Variants in MARK3 observed in about 807,000 individuals in gnomAD.
MARK3 encodes microtubule affinity regulating kinase 3.
A neutral mutation model predicts 90.1 loss-of-function variants in MARK3; 46 were observed. That is an observed-to-expected ratio of 0.51 (90% CI 0.40 to 0.65). The LOEUF (loss-of-function observed/expected upper bound fraction) is 0.65, where lower values mean the gene tolerates loss of function less well. Ranked by LOEUF, MARK3 falls within the 30% of genes least tolerant of loss-of-function variation. The pLI, the probability that MARK3 is intolerant of heterozygous loss-of-function variation, is 0.00. For synonymous variants in MARK3, 321 were observed against 332.6 expected (o/e 0.97, Z 0.38); for missense variants, 818 against 947.2 (o/e 0.86, Z 1.79).
intron 3 of MARK3, among the ~76,000 whole-genome samples, chr14:103,444,549 C>A (rs549893049): frequency 6.6e-6 from 1 of 152,096 alleles, no homozygotes; most frequent in Non-Finnish European, 1.5e-5. Flanking sequence ...GAGGCCGAGG[C>A]GGGCGGATCA....
intron 14 of MARK3, chr14:103,490,163 A>T (rs1460495766): frequency 1.3e-5 from 2 of 151,878 alleles, no homozygotes; most frequent in Non-Finnish European, 2.9e-5. Context: ...TAAAAATACA[A>T]AATTAGCCAG....
chr14:103,465,979 G>A lies in MARK3; in HGVS notation c.785G>A (p.Arg262Lys). ...PFDGQNLKEL[R>K]ERVLRGKYRI... Reference sequence around the variant, plus strand: ...CTCTGTACCTCTCCAAAGGAACTGAGAGAGAGAGTATTAAGAGGGAAATAC... The same window carrying A: ...CTCTGTACCTCTCCAAAGGAACTGAAAGAGAGAGTATTAAGAGGGAAATAC... The change falls in exon 9 of 18, where the codon AGA becomes AAA. Residue 262 changes from arginine to lysine, a missense_variant. By Grantham distance (26) the Arg-to-Lys change is conservative. Coordinates refer to ENST00000429436, the MANE Select transcript of MARK3 (RefSeq NM_001128918.3). 6.2e-7 allele frequency: 1 copy of A among 1,613,176 alleles called. No individual in the cohort carries two copies.
In MARK3 at chr14:103,469,698, C is replaced by T. The variant is rs1015722538; in HGVS notation, c.1264+1512C>T. ...GAACTCCTGACCTCAGGTGATCCACCCACCTTGGCCTCCCAAAGTGCTGGA... is the reference window on the plus strand; with the variant it reads ...GAACTCCTGACCTCAGGTGATCCACTCACCTTGGCCTCCCAAAGTGCTGGA... On this transcript the variant is annotated intron_variant, in intron 12 of 17. Coordinates refer to ENST00000429436, the MANE Select transcript of MARK3 (RefSeq NM_001128918.3). Among the ~76,000 whole-genome samples, 20 of 151,672 alleles carry T rather than the reference C, an allele frequency of 1.3e-4. No homozygotes were observed. The East Asian group carries it at 3.9e-3, about 30-fold the overall frequency.
intron 6 of MARK3, among the ~76,000 whole-genome samples, chr14:103,461,421 T>C (rs547666204): frequency 2.1e-4 from 32 of 152,344 alleles, no homozygotes; most frequent in African/African-American, 6.5e-4. Context: ...TGTTTAATCA[T>C]AGGCATGACT....
Position 103,491,949 on chromosome 14 carries a change from T to G in MARK3, c.1759T>G (p.Ser587Ala). The change falls in exon 15 of 18, where the codon TCC (serine) becomes GCC (alanine). Residue 587 changes from serine (S) to alanine (A), a missense_variant. Physicochemically the swap from Ser to Ala is moderately conservative, Grantham distance 99. Around this residue, in one of 3 missense-constraint regions of MARK3, gnomAD observed 560 missense variants for 613.5 expected, o/e 0.91. Transcript: ENST00000429436. Reference sequence around the variant, plus strand: ...TGGCCCTCCTGCCTCTCCCAGCCTGTCCCATGAAGCCACACCATTGTCCCA... The same window carrying G: ...TGGCCCTCCTGCCTCTCCCAGCCTGGCCCATGAAGCCACACCATTGTCCCA... ...YNGPPASPSLSHEATPLSQTR... is the reference protein window; with the variant it reads ...YNGPPASPSLAHEATPLSQTR... 6.2e-7 allele frequency: 1 copy of G among 1,614,122 alleles called. No homozygotes were observed. Among genetic ancestry groups the G allele is most frequent in the Non-Finnish European group, 8.5e-7 (1 of 1,180,022 alleles).
chr14:103,486,721 G>A (rs1210890752), intron 14 of MARK3, among the ~76,000 whole-genome samples: 6 of 152,032 alleles, frequency 3.9e-5, no homozygotes, highest in Non-Finnish European at 8.8e-5. Flanking sequence ...GAGCTTGATT[G>A]TACAAAATTG....
chr14:103,414,683 A>T lies in MARK3; in HGVS notation c.243+9416A>T, dbSNP rs555688690. The stretch of plus-strand genomic sequence containing the variant: ...AATTTGTTCTGAGTCAGTATAAGTT[A>T]AAGGCTTATTGTGTATTATGTTGAG... On this transcript the variant is annotated intron_variant, in intron 2 of 17. Transcript: ENST00000429436. Among the ~76,000 whole-genome samples the T allele has an allele frequency of 6.6e-5, 10 of 152,360 alleles. No individual in the cohort carries two copies. In the East Asian group the frequency reaches 1.9e-3, roughly 29 times the overall value.
intron 4 of MARK3, among the ~76,000 whole-genome samples, chr14:103,451,623 G>A (rs1331445742): frequency 6.6e-6 from 1 of 152,214 alleles, no homozygotes; most frequent in South Asian, 2.1e-4. Flanking sequence ...ACATGCTGAA[G>A]GACAGTGAGG....
At chr14:103,466,731 G>T (rs185333947) in intron 10 of MARK3, among the ~76,000 whole-genome samples, 65 of 152,226 alleles carry the variant, frequency 4.3e-4, no homozygotes, top group African/African-American at 1.5e-3. Context: ...CTGGCCGGGC[G>T]TGGTGGCTCA....
intron 5 of MARK3, among the ~76,000 whole-genome samples, chr14:103,455,725 C>CA (rs57129835): frequency 0.4 from 33,821 of 83,542 alleles, 5,658 homozygotes; most frequent in Non-Finnish European, 0.47. Context: ...AACTCTGTCT[C>CA]AAAAAAAAAA....
At chr14:103,478,576 C>T (rs1259629715) in intron 13 of MARK3, among the ~76,000 whole-genome samples, 3 of 150,946 alleles carry the variant, frequency 2.0e-5, no homozygotes, top group African/African-American at 7.3e-5. Flanking sequence ...TGGCATTTCG[C>T]TCCTGTTGCC....
chr14:103,478,280 G>A (rs1445444381), intron 13 of MARK3, among the ~76,000 whole-genome samples: 2 of 145,850 alleles, frequency 1.4e-5, no homozygotes, highest in Admixed American at 6.9e-5. Flanking sequence ...GGGCGAAAAA[G>A]CGAGGCTCCA....
chr14:103,444,843 T>A (rs11848774), intron 3 of MARK3, among the ~76,000 whole-genome samples: 7,129 of 152,266 alleles, frequency 0.047, 585 homozygotes, highest in African/African-American at 0.16. Flanking sequence ...TACAAAACTT[T>A]AAAATTTTTC....
In MARK3 at chr14:103,503,003, C is replaced by G. The variant is rs750729322; in HGVS notation, c.2038C>G (p.Arg680Gly). ...MDPGDMMREIRKVLDANNCDY... is the reference protein window; with the variant it reads ...MDPGDMMREIGKVLDANNCDY... ...TCCCGGGGACATGATGCGGGAAATC[C>G]GCAAAGTGTTGGACGCCAATAACTG... Residue 680 changes from arginine (R) to glycine (G), a missense_variant, in exon 18 of 18, where the codon CGC becomes GGC. Arg to Gly is a moderately radical substitution (Grantham distance 125). This residue lies in a region of MARK3 where 560 missense variants were observed against 613.5 expected (regional missense o/e 0.91). Transcript: ENST00000429436. 6.2e-7 allele frequency: 1 copy of G among 1,614,122 alleles called. No homozygotes were observed. Among genetic ancestry groups the G allele is most frequent in the African/African-American group, 1.3e-5 (1 of 74,948 alleles).
At chr14:103,426,673 C>T (rs12897976) in intron 2 of MARK3, among the ~76,000 whole-genome samples, 6,931 of 152,202 alleles carry the variant, frequency 0.046, 228 homozygotes, top group Middle Eastern at 0.12. Flanking sequence ...ATCATTTTTA[C>T]GTGACAGTGA....
intron 12 of MARK3, among the ~76,000 whole-genome samples, chr14:103,474,147 G>A (rs931895663): frequency 1.3e-5 from 2 of 152,192 alleles, no homozygotes; most frequent in African/African-American, 4.8e-5. Flanking sequence ...AGTGGTTACA[G>A]TGAGCCGCGA....
At chr14:103,498,592 A>G in intron 16 of MARK3, 64 bp downstream of exon 16, 2 of 1,299,254 alleles carry the variant, frequency 1.5e-6, no homozygotes, top group Non-Finnish European at 2.0e-6. Context: ...TGCAATTAAC[A>G]TTAGGTTTGG....
At chr14:103,455,774 T>C (rs1334924888) in intron 5 of MARK3, among the ~76,000 whole-genome samples, 1 of 142,050 alleles carries the variant, frequency 7.0e-6, no homozygotes, top group Non-Finnish European at 1.5e-5. Context: ...AACATGAAAA[T>C]ATTTGTGCCC....
intron 1 of MARK3, among the ~76,000 whole-genome samples, chr14:103,400,851 A>C (rs1362281731): frequency 6.7e-6 from 1 of 148,918 alleles, no homozygotes; most frequent in African/African-American, 2.5e-5. Flanking sequence ...GGTATGATCG[A>C]TCACACTACT....
Sources: gnomAD v4.1 joint callset for allele counts (sites outside exome capture counted in the v4.1 genomes callset) on GRCh38, gnomAD v4.1.1 for gene constraint, gnomAD v4.1.1 regional missense constraint, MANE v1.5 for transcripts, NCBI Gene and HGNC (gene_info 2026-07-23, HGNC 2026-07-21) for gene names.